Variants in SUPT3H observed in about 807,000 individuals in gnomAD.
The protein encoded by SUPT3H is transcription initiation protein SPT3 homolog.
A neutral mutation model predicts 44.3 loss-of-function variants in SUPT3H; 44 were observed. The ratio of observed to expected loss-of-function variants is 0.99; its 90% CI spans 0.78 to 1.28. The LOEUF is 1.28. Ranked by LOEUF, SUPT3H falls within the 50% of genes most tolerant of loss-of-function variation. The pLI is 0.00. For missense variants in SUPT3H, 380 were observed against 387.1 expected (o/e 0.98, Z 0.15); for synonymous variants, 124 against 125.6 (o/e 0.99, Z 0.09).
chr6:44,841,227 G>GAATTAATAAGTTCCACC (rs1461028202), intron 10 of SUPT3H, among the ~76,000 whole-genome samples: 2 of 152,082 alleles, frequency 1.3e-5, no homozygotes, highest in African/African-American at 2.4e-5. Context: ...GTTGTTATAT[G>GAATTAATAAGTTCCACC]AATTAATAAG....
At chr6:45,372,540 G>A (rs1443379960) in intron 1 of SUPT3H, among the ~76,000 whole-genome samples, 2 of 152,054 alleles carry the variant, frequency 1.3e-5, no homozygotes, top group Non-Finnish European at 2.9e-5. Flanking sequence ...ATTTTTTAAT[G>A]ATTTATATTT....
At chr6:45,371,383 G>C (rs985123668) in intron 1 of SUPT3H, among the ~76,000 whole-genome samples, 2 of 148,582 alleles carry the variant, frequency 1.3e-5, no homozygotes, top group African/African-American at 5.0e-5. Flanking sequence ...TACTTCACCA[G>C]TATTAGCTCA....
At chr6:45,253,136 G>A (rs1342298430) in intron 2 of SUPT3H, among the ~76,000 whole-genome samples, 1 of 151,814 alleles carries the variant, frequency 6.6e-6, no homozygotes, top group Non-Finnish European at 1.5e-5. Flanking sequence ...AAACATATAA[G>A]TTTATTATTT....
At chr6:45,310,589 G>A (rs183208801) in intron 2 of SUPT3H, among the ~76,000 whole-genome samples, 5 of 152,220 alleles carry the variant, frequency 3.3e-5, no homozygotes, top group East Asian at 3.9e-4. Context: ...ACCCATAGAC[G>A]GTTCACATCA....
chr6:45,255,595 T>A (rs1773243157), intron 2 of SUPT3H, among the ~76,000 whole-genome samples: 1 of 151,910 alleles, frequency 6.6e-6, no homozygotes, highest in South Asian at 2.1e-4. Context: ...CAATGTTTTT[T>A]TAATTTTTGT....
chr6:44,843,097 T>C (rs1771273029), intron 10 of SUPT3H, among the ~76,000 whole-genome samples: 2 of 152,142 alleles, frequency 1.3e-5, no homozygotes, highest in Non-Finnish European at 2.9e-5. Flanking sequence ...CACATGCAAT[T>C]CAGTGTGCTG....
At chr6:45,009,985 T>C (rs909766839) in intron 5 of SUPT3H, among the ~76,000 whole-genome samples, 1 of 33,740 alleles carries the variant, frequency 3.0e-5, no homozygotes, top group Non-Finnish European at 6.2e-5. Context: ...ACGTAGGATG[T>C]CTTTCCATTA....
At chr6:45,261,790 A>C (rs1035845620) in intron 2 of SUPT3H, among the ~76,000 whole-genome samples, 2 of 152,076 alleles carry the variant, frequency 1.3e-5, no homozygotes, top group Non-Finnish European at 1.5e-5. Flanking sequence ...AAGTCAACCT[A>C]TCTCTCTTCA....
At chr6:45,080,923 A>G (rs1795713067) in intron 3 of SUPT3H, among the ~76,000 whole-genome samples, 1 of 152,142 alleles carries the variant, frequency 6.6e-6, no homozygotes, top group South Asian at 2.1e-4. Flanking sequence ...AACTAAGAGT[A>G]TAAATGGATT....
At chr6:45,102,947 G>GAA (rs571561447) in intron 3 of SUPT3H, among the ~76,000 whole-genome samples, 1 of 111,422 alleles carries the variant, frequency 9.0e-6, no homozygotes, top group Non-Finnish European at 2.0e-5. Context: ...TCAAAAAAAA[G>GAA]AAAAAAAAAA....
At chr6:45,340,707 C>A (rs1314351763) in intron 2 of SUPT3H, among the ~76,000 whole-genome samples, 2 of 152,002 alleles carry the variant, frequency 1.3e-5, no homozygotes, top group African/African-American at 2.4e-5. Flanking sequence ...TTAATGTCCA[C>A]AATACACATA....
chr6:44,878,170 T>G (rs557696991), intron 10 of SUPT3H, among the ~76,000 whole-genome samples: 24 of 152,346 alleles, frequency 1.6e-4, no homozygotes, highest in African/African-American at 5.8e-4. Context: ...CAATTAGGTA[T>G]GATCCTAAAT....
chr6:44,940,331 T>C (rs1772194761), intron 9 of SUPT3H, among the ~76,000 whole-genome samples: 1 of 152,090 alleles, frequency 6.6e-6, no homozygotes, highest in Non-Finnish European at 1.5e-5. Flanking sequence ...TATTGTTTAA[T>C]TTCCATGTAT....
At chr6:45,025,839 C>T (rs1005783511) in intron 3 of SUPT3H, among the ~76,000 whole-genome samples, 2 of 149,132 alleles carry the variant, frequency 1.3e-5, no homozygotes, top group Admixed American at 1.3e-4. Flanking sequence ...GCTGAGATAG[C>T]GCCACTGCAC....
chr6:45,058,118 T>C (rs1161000045), intron 3 of SUPT3H, among the ~76,000 whole-genome samples: 1 of 152,106 alleles, frequency 6.6e-6, no homozygotes, highest in Admixed American at 6.6e-5. Flanking sequence ...GTGGATTATT[T>C]TGATAGAAAA....
rs116338862 is a variant in SUPT3H at position 44,911,434 on chromosome 6, C to T, written c.912+21219G>A. 2.6e-3 allele frequency among the ~76,000 whole-genome samples: 396 copies of T among 152,222 alleles called. 3 individuals are homozygous for T. Among genetic ancestry groups the T allele is most frequent in the African/African-American group, 8.4e-3 (350 of 41,532 alleles). On this transcript the variant is annotated intron_variant, in intron 10 of 10. Transcript: ENST00000371459. ...AACTCCTAGCAATACATTCAAAAGACGATGCATTACTTACGGCATAAAAAA... is the reference window on the plus strand; with the variant it reads ...AACTCCTAGCAATACATTCAAAAGATGATGCATTACTTACGGCATAAAAAA...
At chr6:45,022,014 AT>A (rs1316074365) in intron 3 of SUPT3H, among the ~76,000 whole-genome samples, 2 of 152,156 alleles carry the variant, frequency 1.3e-5, no homozygotes, top group East Asian at 3.9e-4. Context: ...TTTTCTAAAA[AT>A]TGGTAGAGTG....
At chr6:45,190,800 A>C (rs1336188302) in intron 2 of SUPT3H, among the ~76,000 whole-genome samples, 1 of 152,086 alleles carries the variant, frequency 6.6e-6, no homozygotes, top group African/African-American at 2.4e-5. Flanking sequence ...TCACCCAAGA[A>C]CATACACACA....
At chr6:45,369,470 C>T (rs1190430051) in intron 1 of SUPT3H, among the ~76,000 whole-genome samples, 2 of 152,098 alleles carry the variant, frequency 1.3e-5, no homozygotes, top group Non-Finnish European at 2.9e-5. Flanking sequence ...GAGCCTCTGT[C>T]CCACAGTGAA....
Sources: allele counts gnomAD v4.1 joint callset (sites outside exome capture counted in the v4.1 genomes callset), GRCh38; gene constraint gnomAD v4.1.1; transcripts MANE v1.5; gene names NCBI Gene and HGNC (gene_info 2026-07-23, HGNC 2026-07-21).